Variants in FHIT observed in about 807,000 individuals in gnomAD.
FHIT encodes fragile histidine triad diadenosine triphosphatase.
A neutral mutation model predicts 17.9 loss-of-function variants in FHIT; 19 were observed. That is an observed-to-expected ratio of 1.06 (90% CI 0.74 to 1.56). The LOEUF (loss-of-function observed/expected upper bound fraction) is 1.56, where lower values mean the gene tolerates loss of function less well. Ranked by LOEUF, FHIT falls within the 40% of genes most tolerant of loss-of-function variation. The pLI is 0.00. For missense variants in FHIT, 248 were observed against 189.2 expected (o/e 1.31, Z -1.82); for synonymous variants, 81 against 69.7 (o/e 1.16, Z -0.81).
At chr3:60,065,516 A>T (rs1360356359) in intron 5 of FHIT, among the ~76,000 whole-genome samples, 3 of 152,210 alleles carry the variant, frequency 2.0e-5, no homozygotes, top group African/African-American at 7.2e-5. Context: ...CTTAATCATT[A>T]TAAAAGTACC....
At chr3:60,421,117 T>A (rs540393239) in intron 5 of FHIT, among the ~76,000 whole-genome samples, 5 of 152,058 alleles carry the variant, frequency 3.3e-5, no homozygotes, top group Non-Finnish European at 7.4e-5. Flanking sequence ...CTTTTCTTCA[T>A]TGGCATTTTG....
intron 5 of FHIT, among the ~76,000 whole-genome samples, chr3:60,411,894 C>G (rs1429883661): frequency 1.3e-5 from 2 of 152,044 alleles, no homozygotes; most frequent in Non-Finnish European, 2.9e-5. Context: ...TCTAGAAAAA[C>G]TGCTGGATGA....
At chr3:60,120,282 T>C (rs1190926518) in intron 5 of FHIT, among the ~76,000 whole-genome samples, 3 of 152,194 alleles carry the variant, frequency 2.0e-5, no homozygotes, top group Non-Finnish European at 2.9e-5. Flanking sequence ...TCCACAGAGA[T>C]CAGCACAGTG....
At chr3:60,506,528 C>T (rs2034737427) in intron 5 of FHIT, among the ~76,000 whole-genome samples, 1 of 152,156 alleles carries the variant, frequency 6.6e-6, no homozygotes, top group Non-Finnish European at 1.5e-5. Flanking sequence ...TATTTATTCT[C>T]CTCTTCTCCT....
At chr3:60,914,588 G>T (rs1369475957) in intron 3 of FHIT, among the ~76,000 whole-genome samples, 1 of 151,962 alleles carries the variant, frequency 6.6e-6, no homozygotes, top group Non-Finnish European at 1.5e-5. Context: ...TGGGGTCATA[G>T]GGACACAAGG....
intron 5 of FHIT, among the ~76,000 whole-genome samples, chr3:60,520,284 A>G (rs941822961): frequency 2.1e-4 from 32 of 152,036 alleles, no homozygotes; most frequent in Admixed American, 1.6e-3. Context: ...TTTTTCTAAT[A>G]TACTTATTGA....
At chr3:60,102,564 A>G (rs1309752026) in intron 5 of FHIT, among the ~76,000 whole-genome samples, 1 of 152,146 alleles carries the variant, frequency 6.6e-6, no homozygotes, top group Non-Finnish European at 1.5e-5. Context: ...AGAAGGCACA[A>G]AGTAAGCATC....
intron 8 of FHIT, among the ~76,000 whole-genome samples, chr3:59,915,094 G>C (rs1029582287): frequency 6.6e-6 from 1 of 152,160 alleles, no homozygotes; most frequent in Non-Finnish European, 1.5e-5. Flanking sequence ...GCAGAACTGT[G>C]AGAAGCAGGT....
chr3:59,885,225 T>G (rs1703569531), intron 8 of FHIT, among the ~76,000 whole-genome samples: 1 of 152,180 alleles, frequency 6.6e-6, no homozygotes, highest in African/African-American at 2.4e-5. Context: ...GGATGAGCAT[T>G]GGGCTCAGCC....
At chr3:59,860,285 A>G (rs958453968) in intron 8 of FHIT, among the ~76,000 whole-genome samples, 20 of 152,204 alleles carry the variant, frequency 1.3e-4, no homozygotes, top group Non-Finnish European at 8.8e-5. Context: ...GAGAATGGCC[A>G]AAGGACAGCT....
intron 5 of FHIT, among the ~76,000 whole-genome samples, chr3:60,191,700 C>T (rs1038633081): frequency 3.9e-5 from 6 of 152,040 alleles, no homozygotes; most frequent in African/African-American, 1.4e-4. Context: ...GTGAACCCTA[C>T]CTCACACCTT....
chr3:60,687,243 T>C (rs1336647453), intron 4 of FHIT, among the ~76,000 whole-genome samples: 1 of 152,174 alleles, frequency 6.6e-6, no homozygotes, highest in East Asian at 1.9e-4. Context: ...TATTAATTCA[T>C]TAGTTTTATT....
At chr3:60,280,268 A>G (rs1479484891) in intron 5 of FHIT, among the ~76,000 whole-genome samples, 2 of 152,148 alleles carry the variant, frequency 1.3e-5, no homozygotes, top group Admixed American at 1.3e-4. Context: ...CTAACATGAC[A>G]TCATACTCAA....
chr3:60,648,272 G>A (rs2039909249), intron 4 of FHIT, among the ~76,000 whole-genome samples: 1 of 152,160 alleles, frequency 6.6e-6, no homozygotes, highest in African/African-American at 2.4e-5. Flanking sequence ...TATTTATAAT[G>A]CAATATGGTA....
At chr3:60,596,098 T>C in intron 4 of FHIT, 1 of 328,640 alleles carries the variant, frequency 3.0e-6, no homozygotes, top group Non-Finnish European at 4.4e-6. Flanking sequence ...TCTTCTTTCT[T>C]ACAAATAAAA....
chr3:60,907,946 C>T (rs1706522871), intron 3 of FHIT, among the ~76,000 whole-genome samples: 1 of 152,140 alleles, frequency 6.6e-6, no homozygotes, highest in Non-Finnish European at 1.5e-5. Flanking sequence ...CTTGCCCAGG[C>T]TAGTAAGTGG....
chr3:60,403,449 A>G (rs898717621), intron 5 of FHIT, among the ~76,000 whole-genome samples: 11 of 152,132 alleles, frequency 7.2e-5, no homozygotes, highest in Admixed American at 6.5e-4. Context: ...CTCAGAAACA[A>G]AAGACTCTTG....
At chr3:60,927,072 A>G (rs1707660954) in intron 3 of FHIT, among the ~76,000 whole-genome samples, 1 of 151,958 alleles carries the variant, frequency 6.6e-6, no homozygotes, top group South Asian at 2.1e-4. Flanking sequence ...CTGTACTGCC[A>G]CGATCTCGGC....
In FHIT at chr3:60,543,394, G is replaced by T. The variant is rs186780619; in HGVS notation, c.-17-6415C>A. Among the ~76,000 whole-genome samples the T allele has an allele frequency of 1.1e-3, 167 of 152,274 alleles. 3 individuals carry two copies. Among genetic ancestry groups the T allele is most frequent in the African/African-American group, 3.5e-3 (147 of 41,548 alleles). On this transcript the variant is annotated intron_variant, in intron 4 of 9. Coordinates refer to ENST00000492590, the MANE Select transcript of FHIT (RefSeq NM_002012.4). Reference sequence around the variant, plus strand: ...TTTCAAAAAAAAATTCTTAGATGTTGATTAGACTGAATTTAAATTGTAAGA... The same window carrying T: ...TTTCAAAAAAAAATTCTTAGATGTTTATTAGACTGAATTTAAATTGTAAGA...
Sources: allele counts gnomAD v4.1 joint callset (sites outside exome capture counted in the v4.1 genomes callset), GRCh38; gene constraint gnomAD v4.1.1; transcripts MANE v1.5; gene names NCBI Gene and HGNC (gene_info 2026-07-23, HGNC 2026-07-21).